Variants in GFPT1 observed in about 807,000 individuals in gnomAD.
The protein encoded by GFPT1 is glutamine--fructose-6-phosphate transaminase 1, also known as glutamine--fructose-6-phosphate aminotransferase [isomerizing] 1.
GFPT1 carries 40 observed loss-of-function variants against 92.0 expected under a neutral mutation model. That is an observed-to-expected ratio of 0.43 (90% CI 0.34 to 0.57). The LOEUF is 0.57. Among genes scored for constraint, GFPT1 ranks in the 20% least tolerant of loss-of-function variants. The pLI is 0.02. For missense variants in GFPT1, 448 were observed against 869.1 expected (o/e 0.52, Z 6.09); for synonymous variants, 269 against 280.6 (o/e 0.96, Z 0.41).
rs1214259805 is a variant in GFPT1, at chr2:69,359,852, CT to C, written c.350-527del. On this transcript the variant is annotated intron_variant, in intron 4 of 19. Coordinates refer to ENST00000357308, the MANE Select transcript of GFPT1 (RefSeq NM_001244710.2). ...CCAATCAGTTCCATAGTTAAATTTA[CT>C]TGTTTGAGATCCAAATAAGTCATAG... is the stretch of plus-strand genomic sequence containing the variant. Among the ~76,000 whole-genome samples, 12 of 152,268 alleles carry C rather than the reference CT, an allele frequency of 7.9e-5. No individual in the cohort carries two copies. The South Asian group carries it at 2.5e-3, about 32-fold the overall frequency.
chr2:69,351,319 T>C (rs1671201062), intron 9 of GFPT1, among the ~76,000 whole-genome samples: 1 of 152,190 alleles, frequency 6.6e-6, no homozygotes, highest in Admixed American at 6.5e-5. Context: ...ATTGGCCTTA[T>C]ATAGGAAAAA....
intron 17 of GFPT1, among the ~76,000 whole-genome samples, chr2:69,328,698 AC>A (rs200052819): frequency 4.4e-5 from 5 of 114,528 alleles, no homozygotes; most frequent in Non-Finnish European, 9.0e-5. Flanking sequence ...TTTCTGGTTA[AC>A]CCTTTTTTTT....
chr2:69,384,693 C>CAAAAAAAAAAAAAAAAAAAAAAAAAA (rs71964630), intron 1 of GFPT1, among the ~76,000 whole-genome samples: 1 of 106,622 alleles, frequency 9.4e-6, no homozygotes, highest in African/African-American at 3.3e-5. Context: ...GGCCCCGTCA[C>CAAAAAAAAAAAAAAAAAAAAAAAAAA]AAAAAAAAAA....
At chr2:69,333,522 T>C (rs1032856804) in intron 15 of GFPT1, among the ~76,000 whole-genome samples, 1 of 152,192 alleles carries the variant, frequency 6.6e-6, no homozygotes, top group Non-Finnish European at 1.5e-5. Flanking sequence ...CTACCGAGGT[T>C]TGAAAGAGTT....
intron 1 of GFPT1, among the ~76,000 whole-genome samples, chr2:69,379,598 C>T (rs1272930982): frequency 6.6e-6 from 1 of 151,976 alleles, no homozygotes; most frequent in African/African-American, 2.4e-5. Flanking sequence ...AGTACAGTGG[C>T]ACAATCCCAG....
At chr2:69,371,559 C>T (rs1381913616) in intron 2 of GFPT1, 5 of 151,964 alleles carry the variant, frequency 3.3e-5, no homozygotes, top group Middle Eastern at 3.4e-3. Context: ...AAATACTGGC[C>T]GGGCGCGGTG....
chr2:69,336,170 T>C (rs1167790213), intron 15 of GFPT1, among the ~76,000 whole-genome samples: 1 of 151,286 alleles, frequency 6.6e-6, no homozygotes, highest in Non-Finnish European at 1.5e-5. Context: ...GAAACCCCAT[T>C]GCTATCAAAA....
chr2:69,346,222 TACA>T lies in GFPT1; in HGVS notation c.1010-226_1010-224del, dbSNP rs67630608. Among the ~76,000 whole-genome samples the T allele has an allele frequency of 0.015, 2,228 of 152,196 alleles. 127 individuals are homozygous for T. The East Asian group carries it at 0.18, about 13-fold the overall frequency. On this transcript the variant is annotated intron_variant, in intron 11 of 19. Coordinates refer to ENST00000357308, the MANE Select transcript of GFPT1 (RefSeq NM_001244710.2). Reference sequence around the variant, plus strand: ...TAACTTCATACTTGAAATGTGCAGTTACAACAAGTGAATGAGACAAGCTTTTTT... The same window carrying T: ...TAACTTCATACTTGAAATGTGCAGTTACAAGTGAATGAGACAAGCTTTTTT...
At chr2:69,384,530 G>A (rs553343538) in intron 1 of GFPT1, among the ~76,000 whole-genome samples, 1 of 151,784 alleles carries the variant, frequency 6.6e-6, no homozygotes, top group East Asian at 1.9e-4. Flanking sequence ...TGGTCAACAT[G>A]GTGAAACCCC....
intron 12 of GFPT1, among the ~76,000 whole-genome samples, chr2:69,342,955 C>T (rs2104625681): frequency 6.6e-6 from 1 of 152,268 alleles, no homozygotes; most frequent in South Asian, 2.1e-4. Flanking sequence ...TATCTTCAAA[C>T]CCAGCATCTC....
intron 13 of GFPT1, 72 bp from the exon 14 acceptor site, chr2:69,338,637 A>G (rs532764340): frequency 5.6e-5 from 84 of 1,510,380 alleles, no homozygotes; most frequent in Admixed American, 2.8e-4. Context: ...TTTGGATTCA[A>G]TGTATAGTTT....
intron 3 of GFPT1, among the ~76,000 whole-genome samples, chr2:69,369,694 T>C (rs891553001): frequency 6.6e-6 from 1 of 152,244 alleles, no homozygotes; most frequent in African/African-American, 2.4e-5. Flanking sequence ...TTTTGTCTTA[T>C]GAAAAGCTCT....
At chr2:69,386,003 T>A (rs1434076085) in intron 1 of GFPT1, among the ~76,000 whole-genome samples, 1 of 150,144 alleles carries the variant, frequency 6.7e-6, no homozygotes, top group Admixed American at 6.7e-5. Flanking sequence ...GAGTTTTCAA[T>A]TCTCTTACAA....
At chr2:69,371,953 G>A (rs1228876499) in intron 2 of GFPT1, among the ~76,000 whole-genome samples, 6 of 151,472 alleles carry the variant, frequency 4.0e-5, no homozygotes, top group East Asian at 1.9e-4. Context: ...TGTAATCCCA[G>A]CACTTTGGGA....
chr2:69,335,404 T>A (rs1423610948), intron 15 of GFPT1, among the ~76,000 whole-genome samples: 1 of 152,202 alleles, frequency 6.6e-6, no homozygotes, highest in Non-Finnish European at 1.5e-5. Context: ...GAATGAGAAA[T>A]GTAAAATATA....
chr2:69,348,040 C>T (rs1671124738), intron 11 of GFPT1, 131 bp downstream of exon 11: 2 of 783,636 alleles, frequency 2.6e-6, no homozygotes, highest in Admixed American at 1.8e-5. Context: ...CTTTTCCTAG[C>T]GTTGTCCCTT....
intron 9 of GFPT1, among the ~76,000 whole-genome samples, chr2:69,353,707 G>A (rs1001403220): frequency 1.3e-5 from 2 of 151,968 alleles, no homozygotes; most frequent in African/African-American, 2.4e-5. Context: ...TCCCCCTGCC[G>A]CTCTATAAAA....
At chr2:69,358,518 AC>A (rs756859204) in intron 5 of GFPT1, 55 bp from the exon 6 acceptor site, 14 of 1,217,006 alleles carry the variant, frequency 1.2e-5, no homozygotes, top group Non-Finnish European at 1.4e-5. Context: ...TGATAAAAAA[AC>A]CTTTTCTACA....
At chr2:69,337,724 C>G (rs549637115) in intron 15 of GFPT1, among the ~76,000 whole-genome samples, 174 bp downstream of exon 15, 3 of 152,176 alleles carry the variant, frequency 2.0e-5, no homozygotes, top group Non-Finnish European at 4.4e-5. Context: ...CCCTAAAGTC[C>G]TACAATAATT....
Sources: allele counts gnomAD v4.1 joint callset (sites outside exome capture counted in the v4.1 genomes callset), GRCh38; gene constraint gnomAD v4.1.1; transcripts MANE v1.5; gene names NCBI Gene and HGNC (gene_info 2026-07-23, HGNC 2026-07-21).